The following NUP54 variants were observed in gnomAD, a reference collection of about 807,000 sequenced individuals.
NUP54 encodes nucleoporin 54, also known as nucleoporin p54.
In NUP54, 27 loss-of-function variants were observed where a neutral mutation model predicts 66.4. The ratio of observed to expected loss-of-function variants is 0.41; its 90% CI spans 0.30 to 0.56. NUP54 has a LOEUF of 0.56. NUP54 is among the 20% of genes least tolerant of loss of function. The pLI, the probability that NUP54 is intolerant of heterozygous loss-of-function variation, is 0.34. For synonymous variants in NUP54, 206 were observed against 210.7 expected, an observed-to-expected ratio of 0.98 and a Z score of 0.19; for missense variants, 486 against 596.3, an observed-to-expected ratio of 0.82 and a Z score of 1.93.
intron 8 of NUP54, among the ~76,000 whole-genome samples, chr4:76,129,161 A>G (rs1021258479): frequency 1.3e-5 from 2 of 152,222 alleles, no homozygotes; most frequent in African/African-American, 4.8e-5. Context: ...CACTATATCC[A>G]TGTATTGAAT....
intron 3 of NUP54, among the ~76,000 whole-genome samples, chr4:76,138,284 T>A (rs1013150100): frequency 6.6e-6 from 1 of 152,208 alleles, no homozygotes; most frequent in African/African-American, 2.4e-5. Context: ...ATGAATCAAC[T>A]GTGATCTCTA....
chr4:76,136,637 G>A (rs966642222), intron 3 of NUP54, among the ~76,000 whole-genome samples: 5 of 152,078 alleles, frequency 3.3e-5, no homozygotes, highest in Non-Finnish European at 7.4e-5. Context: ...GGGACTCAAC[G>A]TAATCATAAG....
rs775205568 is a variant in NUP54 at position 76,115,449 on chromosome 4, T to A, written c.1441A>T (p.Ile481Phe). 1.2e-6 allele frequency: 2 copies of A among 1,611,340 alleles called. No individual in the cohort carries two copies. The highest frequency in any genetic ancestry group is 2.2e-5 in the South Asian group (2 of 90,430). Residue 481 changes from isoleucine to phenylalanine, a missense_variant, in exon 12 of 12, where the codon ATT becomes TTT. Coordinates refer to ENST00000264883, the MANE Select transcript of NUP54 (RefSeq NM_017426.4). Reference sequence around the variant, plus strand: ...TTTATATCTTCTAGATCGTCTTTAATGATGCTAATCAAATGGCTAAGGCCT... The same window carrying A: ...TTTATATCTTCTAGATCGTCTTTAAAGATGCTAATCAAATGGCTAAGGCCT... ...QEGLSHLISI[I>F]KDDLEDIKLV...
intron 9 of NUP54, among the ~76,000 whole-genome samples, chr4:76,119,855 C>T (rs58319866): frequency 0.13 from 19,999 of 152,076 alleles, 1,541 homozygotes; most frequent in East Asian, 0.35. Flanking sequence ...TTCATAAACA[C>T]ACACATAGAC....
intron 9 of NUP54, among the ~76,000 whole-genome samples, chr4:76,120,366 A>G (rs1730176529): frequency 6.6e-6 from 1 of 152,000 alleles, no homozygotes. Flanking sequence ...ATTCCTGTCA[A>G]GAACAGGTGG....
At chr4:76,124,876 ACT>A (rs1730400496) in intron 8 of NUP54, 120 bp from the exon 9 acceptor site, 7 of 510,768 alleles carry the variant, frequency 1.4e-5, no homozygotes, top group Non-Finnish European at 2.4e-5. Flanking sequence ...CAAAATATAA[ACT>A]CTTTCCCTAT....
At chr4:76,127,634 A>C (rs1730602371) in intron 8 of NUP54, among the ~76,000 whole-genome samples, 1 of 152,142 alleles carries the variant, frequency 6.6e-6, no homozygotes, top group South Asian at 2.1e-4. Flanking sequence ...CCAAAAAGAA[A>C]ATACAAGGCA....
chr4:76,125,861 G>T (rs796791849), intron 8 of NUP54, among the ~76,000 whole-genome samples: 1 of 42,596 alleles, frequency 2.3e-5, no homozygotes, highest in Non-Finnish European at 4.0e-5. Context: ...AGGGGGAGGG[G>T]GAGGGAGAGA....
chr4:76,133,367 T>G (rs4241588), intron 5 of NUP54, among the ~76,000 whole-genome samples: 72,756 of 151,370 alleles, frequency 0.48, 18,525 homozygotes, highest in East Asian at 0.9. Context: ...GTTCAGTGGC[T>G]CAATCTTGGC....
chr4:76,124,748 A>G lies in NUP54; in HGVS notation c.1065T>C (p.Ser355=). 2 of 1,156,928 alleles carry G rather than the reference A, an allele frequency of 1.7e-6. No homozygotes were observed. The highest frequency in any genetic ancestry group is 2.4e-6 in the Non-Finnish European group (2 of 827,606). The allele number at this position is 1,156,928 out of a possible 1,614,324, so 71.7% of individuals were successfully genotyped here. A position where few individuals can be genotyped will look rare whatever the true frequency, so the allele number is the denominator to read the frequency against. ...KQHQTRLDII[S]EDISELQKNQ... is the part of the protein sequence containing the mutation. ...TCTTTTGTAGCTCACTAATATCTTCAGATATGATCTGTTTAAAAAAAAATT... is the reference window on the plus strand; with the variant it reads ...TCTTTTGTAGCTCACTAATATCTTCGGATATGATCTGTTTAAAAAAAAATT... Residue 355 remains serine, a synonymous_variant, in exon 9 of 12, where the codon TCT becomes TCC. Coordinates refer to ENST00000264883, the MANE Select transcript of NUP54 (RefSeq NM_017426.4).
At chr4:76,138,189 A>C (rs1731118004) in intron 3 of NUP54, among the ~76,000 whole-genome samples, 1 of 152,196 alleles carries the variant, frequency 6.6e-6, no homozygotes, top group Non-Finnish European at 1.5e-5. Context: ...AACTCAGAAC[A>C]CTTGAATCCT....
intron 11 of NUP54, among the ~76,000 whole-genome samples, chr4:76,117,426 G>A (rs974286749): frequency 6.6e-5 from 10 of 152,038 alleles, no homozygotes; most frequent in Admixed American, 1.3e-4. Flanking sequence ...ACGTACTTGG[G>A]TATATATCCA....
intron 7 of NUP54, 42 bp downstream of exon 7, chr4:76,131,188 A>AAATT: frequency 8.1e-7 from 1 of 1,234,798 alleles, no homozygotes. Flanking sequence ...TCCTAGTAGC[A>AAATT]AATATTAGTT....
chr4:76,137,617 G>C (rs62300615), intron 3 of NUP54, among the ~76,000 whole-genome samples: 20,001 of 152,050 alleles, frequency 0.13, 1,544 homozygotes, highest in East Asian at 0.35. Flanking sequence ...TAAAACTTTA[G>C]ATGGCTGTGT....
intron 1 of NUP54, among the ~76,000 whole-genome samples, chr4:76,146,737 T>C (rs1217402969): frequency 6.6e-6 from 1 of 152,232 alleles, no homozygotes; most frequent in African/African-American, 2.4e-5. Flanking sequence ...TTTAAATGTA[T>C]ATATCATTAT....
At chr4:76,118,324 T>G (rs1237456371) in intron 9 of NUP54, 130 bp from the exon 10 acceptor site, 2 of 777,740 alleles carry the variant, frequency 2.6e-6, no homozygotes, top group African/African-American at 3.5e-5. Flanking sequence ...CAGTTCAGGA[T>G]TTGAATTATG....
intron 1 of NUP54, chr4:76,147,711 AAGGATT>A (rs1294798020): frequency 8.8e-7 from 1 of 1,132,852 alleles, no homozygotes; most frequent in Non-Finnish European, 1.2e-6. Context: ...AAAGCAAGAT[AAGGATT>A]AGAAGAATCA....
chr4:76,116,327 T>C (rs1205572131), intron 11 of NUP54, among the ~76,000 whole-genome samples: 1 of 152,230 alleles, frequency 6.6e-6, no homozygotes, highest in Non-Finnish European at 1.5e-5. Flanking sequence ...ACCAGCCATA[T>C]CCATTCTAAC....
rs1451607165 is a variant in NUP54, at chr4:76,115,328, G to C, written c.*38C>G. 5 of 1,524,434 alleles carry C rather than the reference G, an allele frequency of 3.3e-6. No individual in the cohort carries two copies. Among genetic ancestry groups the C allele is most frequent in the Non-Finnish European group, 4.4e-6 (5 of 1,139,152 alleles). The allele number at this position is 1,524,434 out of a possible 1,614,324, so 94.4% of individuals were successfully genotyped here. On this transcript the variant is annotated 3_prime_UTR_variant, in exon 12 of 12. Coordinates refer to ENST00000264883, the MANE Select transcript of NUP54 (RefSeq NM_017426.4). ...TAAGGAAGGTCTGATGCAGTAAGAA[G>C]ATGCATTTCACAAACCTTTACACAA...
Sources: allele counts gnomAD v4.1 joint callset (sites outside exome capture counted in the v4.1 genomes callset), GRCh38; gene constraint gnomAD v4.1.1; transcripts MANE v1.5; gene names NCBI Gene and HGNC (gene_info 2026-07-23, HGNC 2026-07-21).